PLEKHG4: variants seen among roughly 807,000 people sequenced by gnomAD.
PLEKHG4 encodes pleckstrin homology and RhoGEF domain containing G4, also known as puratrophin-1.
In PLEKHG4, 85 loss-of-function variants were observed where a neutral mutation model predicts 136.9. The observed-to-expected ratio is 0.62, with a 90% CI of 0.52 to 0.74. The LOEUF is 0.74. Ranked by LOEUF, PLEKHG4 falls within the 30% of genes least tolerant of loss-of-function variation. PLEKHG4 has a pLI of 0.00. For missense variants in PLEKHG4, 1,317 were observed against 1,527.8 expected, an observed-to-expected ratio of 0.86 and a Z score of 2.30; for synonymous variants, 577 against 646.9, an observed-to-expected ratio of 0.89 and a Z score of 1.64.
In PLEKHG4 at chr16:67,288,292, C is replaced by T. The variant is rs756337921; in HGVS notation, c.3346C>T (p.Leu1116=). Reference sequence around the variant, plus strand: ...TGTTCTGGGGTCCCTCAACCTGCACCTGTACAGAGACCCAGCTCTTCTGGG... The same window carrying T: ...TGTTCTGGGGTCCCTCAACCTGCACTTGTACAGAGACCCAGCTCTTCTGGG... ...CSVLGSLNLH[L]YRDPALLGLR... Residue 1116 remains leucine (L), a synonymous_variant, in exon 20 of 22, where the codon CTG becomes TTG. Coordinates refer to ENST00000379344, the MANE Select transcript of PLEKHG4 (RefSeq NM_001129729.3). 22 of 1,613,000 alleles carry T rather than the reference C, an allele frequency of 1.4e-5. No individual in the cohort carries two copies. Among genetic ancestry groups the T allele is most frequent in the South Asian group, 4.4e-5 (4 of 91,092 alleles).
Position 67,284,742 on chromosome 16 carries a change from A to T in PLEKHG4, c.1722A>T (p.Arg574=). The part of the protein sequence containing the change: ...EALTWAEEGQ[R]VLAELEQERP... ...TGACGTGGGCTGAGGAGGGGCAGCG[A>T]GTGTTGGCAGAGCTGGAGCAGGAAC... is the stretch of plus-strand genomic sequence containing the variant. Residue 574 remains arginine (R), a synonymous_variant, in exon 13 of 22, where the codon CGA becomes CGT. Transcript: ENST00000379344. The surrounding 1 kb of genome is among the most constrained non-coding windows in gnomAD (Gnocchi z 4.4). The T allele has an allele frequency of 6.2e-7, 1 of 1,613,830 alleles. No individual in the cohort carries two copies. Among genetic ancestry groups the T allele is most frequent in the Non-Finnish European group, 8.5e-7 (1 of 1,179,950 alleles).
chr16:67,285,686 T>A, intron 14 of PLEKHG4, 150 bp downstream of exon 14: 2 of 851,280 alleles, frequency 2.3e-6, no homozygotes, highest in Non-Finnish European at 3.8e-6. Context: ...CTTAGTCCAG[T>A]AGAGGAGACA....
At position 67,286,563 on chromosome 16, in the gene PLEKHG4, C is replaced by A; in HGVS notation, c.2651C>A (p.Pro884His). 1 of 1,564,104 alleles carries A rather than the reference C, an allele frequency of 6.4e-7. No homozygotes were observed. The highest frequency in any genetic ancestry group is 1.2e-5 in the South Asian group (1 of 86,426). Residue 884 changes from proline (P) to histidine (H), a missense_variant, in exon 16 of 22, where the codon CCC becomes CAC. Pro to His is a moderately conservative substitution (Grantham distance 77). Coordinates refer to ENST00000379344, the MANE Select transcript of PLEKHG4 (RefSeq NM_001129729.3). Reference sequence around the variant, plus strand: ...GAGCTGGCACGGGCCTGCGGGGGCCCCACGCAGGAGCTCAGTGCGCTGCGG... The same window carrying A: ...GAGCTGGCACGGGCCTGCGGGGGCCACACGCAGGAGCTCAGTGCGCTGCGG... ...LQELARACGGPTQELSALREA... is the reference protein window; with the variant it reads ...LQELARACGGHTQELSALREA...
chr16:67,284,341 C>T lies in PLEKHG4; in HGVS notation c.1576C>T (p.Pro526Ser), dbSNP rs776415596. Reference protein sequence around the residue: ...LTGWEAAELDPPGARFLALRA... With the variant: ...LTGWEAAELDSPGARFLALRA... ...TGGCTGGGAGGCGGCTGAACTGGACCCCCCTGGGGCACGCTTTCTGGCCCT... is the reference window on the plus strand; with the variant it reads ...TGGCTGGGAGGCGGCTGAACTGGACTCCCCTGGGGCACGCTTTCTGGCCCT... Residue 526 changes from proline to serine, a missense_variant, in exon 12 of 22, where the codon CCC (proline) becomes TCC (serine). Pro to Ser is a moderately conservative substitution (Grantham distance 74). Transcript: ENST00000379344. This position sits in a 1 kb window ranked among gnomAD's most constrained non-coding sequence, Gnocchi z 4.4. The T allele has an allele frequency of 9.3e-6, 15 of 1,613,772 alleles. No individual in the cohort carries two copies. Among genetic ancestry groups the T allele is most frequent in the Non-Finnish European group, 1.3e-5 (15 of 1,179,948 alleles).
intron 18 of PLEKHG4, 96 bp downstream of exon 18, chr16:67,287,273 G>T: frequency 2.3e-6 from 3 of 1,329,470 alleles, no homozygotes. Flanking sequence ...CTCGGGAAGT[G>T]GGGAGAAGGC....
At position 67,284,413 on chromosome 16, in the gene PLEKHG4, C is replaced by CA; in HGVS notation, c.1649dup (p.Arg551AlafsTer6). ...CTCTAGGGCTTTGGCCCAGCGGTGC[C>CA]AGCGGCTGGCGGATGCTGAGAGGCT... On this transcript the variant is annotated frameshift_variant, in exon 12 of 22. Transcript: ENST00000379344. LOFTEE classifies it high-confidence loss of function. This position sits in a 1 kb window ranked among gnomAD's most constrained non-coding sequence, Gnocchi z 4.4. The CA allele has an allele frequency of 6.2e-7, 1 of 1,614,128 alleles. No individual in the cohort carries two copies. Among genetic ancestry groups the CA allele is most frequent in the Non-Finnish European group, 8.5e-7 (1 of 1,180,012 alleles).
In PLEKHG4 at chr16:67,281,690, C is replaced by G. The variant is rs368862193; in HGVS notation, c.892-34C>G. ...GGGGTAGAGGTGGGGTGCCTCCCCC[C>G]AGGCCTGGGTCACAACACCTTCTTC... is the stretch of plus-strand genomic sequence containing the variant. On this transcript the variant is annotated intron_variant, in intron 6 of 21. Transcript: ENST00000379344. The G allele has an allele frequency of 1.9e-6, 3 of 1,612,912 alleles. No individual in the cohort carries two copies. In the African/African-American group the frequency reaches 4.0e-5, roughly 22 times the overall value.
Position 67,284,528 on chromosome 16 carries a change from G to A in PLEKHG4, c.1692+71G>A. 6.4e-7 allele frequency: 1 copy of A among 1,556,520 alleles called. No individual in the cohort carries two copies. The highest frequency in any genetic ancestry group is 8.8e-7 in the Non-Finnish European group (1 of 1,132,118). On this transcript the variant is annotated intron_variant, in intron 12 of 21. Coordinates refer to ENST00000379344, the MANE Select transcript of PLEKHG4 (RefSeq NM_001129729.3). This position sits in a 1 kb window ranked among gnomAD's most constrained non-coding sequence, Gnocchi z 4.4. ...GGATGGCAGCCCCAGCTTCAGCAGAGCCTGAGCTTTTCTTGGTCATGCTGC... is the reference window on the plus strand; with the variant it reads ...GGATGGCAGCCCCAGCTTCAGCAGAACCTGAGCTTTTCTTGGTCATGCTGC...
rs368565515 is a variant in PLEKHG4, at chr16:67,284,720, C to T, written c.1700C>T (p.Thr567Met). ...RLFQLFREAL[T>M]WAEEGQRVLA... Reference sequence around the variant, plus strand: ...CCGGCCCTGGTGTTGCAGGCCTTGACGTGGGCTGAGGAGGGGCAGCGAGTG... The same window carrying T: ...CCGGCCCTGGTGTTGCAGGCCTTGATGTGGGCTGAGGAGGGGCAGCGAGTG... Residue 567 changes from threonine to methionine, a missense_variant, in exon 13 of 22, where the codon ACG becomes ATG. Transcript: ENST00000379344. The surrounding 1 kb of genome is among the most constrained non-coding windows in gnomAD (Gnocchi z 4.4). 2.4e-5 allele frequency: 39 copies of T among 1,613,536 alleles called. No homozygotes were observed. The highest frequency in any genetic ancestry group is 1.8e-4 in the East Asian group (8 of 44,888).
At chr16:67,283,268 C>A (rs1208570253) in intron 11 of PLEKHG4, among the ~76,000 whole-genome samples, 2 of 152,006 alleles carry the variant, frequency 1.3e-5, no homozygotes, top group Non-Finnish European at 2.9e-5. Flanking sequence ...AATCATAAGG[C>A]CAGTGAGGTT....
chr16:67,287,549 G>T (rs2036532096), intron 18 of PLEKHG4: 3 of 482,750 alleles, frequency 6.2e-6, no homozygotes, highest in East Asian at 8.1e-5. Context: ...ACAGGCATGT[G>T]CCACCATGCC....
rs575870151 is a variant in PLEKHG4, at chr16:67,281,613, C to T, written c.860C>T (p.Thr287Met). The change falls in exon 6 of 22, where the codon ACG (threonine) becomes ATG (methionine). Residue 287 changes from threonine (T) to methionine (M), a missense_variant. Thr to Met is a moderately conservative substitution (Grantham distance 81). Transcript: ENST00000379344. ...TACCAGGTGCTGCTAGTGGGAAGCACGCTGCTGAAGGAAGTGCCTTCCGGG... is the reference window on the plus strand; with the variant it reads ...TACCAGGTGCTGCTAGTGGGAAGCATGCTGCTGAAGGAAGTGCCTTCCGGG... Reference protein sequence around the residue: ...AVYQVLLVGSTLLKEVPSGLQ... With the variant: ...AVYQVLLVGSMLLKEVPSGLQ... 14 of 1,613,996 alleles carry T rather than the reference C, an allele frequency of 8.7e-6. No individual in the cohort carries two copies. The highest frequency in any genetic ancestry group is 5.5e-5 in the South Asian group (5 of 91,082).
Position 67,288,949 on chromosome 16 carries a change from G to A in PLEKHG4, c.*141G>A. 1 of 954,456 alleles carries A rather than the reference G, an allele frequency of 1.0e-6. No homozygotes were observed. Among genetic ancestry groups the A allele is most frequent in the Non-Finnish European group, 1.7e-6 (1 of 603,522 alleles). The allele number at this position is 954,456 out of a possible 1,614,324, so 59.1% of individuals were successfully genotyped here. A position where few individuals can be genotyped will look rare whatever the true frequency, so the allele number is the denominator to read the frequency against. On this transcript the variant is annotated 3_prime_UTR_variant, in exon 22 of 22. Transcript: ENST00000379344. ...TGCAACGCTGTTGACTACCCTTTCT[G>A]ATGTGTGTGGCCATTGGACTAACTG... is the stretch of plus-strand genomic sequence containing the variant.
Position 67,280,573 on chromosome 16 carries a change from G to A in PLEKHG4, c.499+30G>A. 1 of 1,613,080 alleles carries A rather than the reference G, an allele frequency of 6.2e-7. No individual in the cohort carries two copies. The highest frequency in any genetic ancestry group is 2.2e-5 in the East Asian group (1 of 44,870). On this transcript the variant is annotated intron_variant, in intron 2 of 21. Transcript: ENST00000379344. This position sits in a 1 kb window ranked among gnomAD's most constrained non-coding sequence, Gnocchi z 4.4. ...GGAAGGCTGGGCTAGGGAAGTCTGG[G>A]AAGGGAATGGGGATGCCTGGAGAGA... is the stretch of plus-strand genomic sequence containing the variant.
rs1192878156 is a variant in PLEKHG4, at chr16:67,282,598, A to C, written c.1349A>C (p.Glu450Ala). The change falls in exon 10 of 22, where the codon GAG becomes GCG. Residue 450 changes from glutamate (E) to alanine (A), a missense_variant. By Grantham distance (107) the Glu-to-Ala change is moderately radical. Transcript: ENST00000379344. ...AGCAACCAGCGAATACAGGCCCTAGAGTTGGTCCAAACACTGGAGGCCCGG... is the reference window on the plus strand; with the variant it reads ...AGCAACCAGCGAATACAGGCCCTAGCGTTGGTCCAAACACTGGAGGCCCGG... ...LQSNQRIQAL[E>A]LVQTLEARES... is the part of the protein sequence containing the mutation. The C allele has an allele frequency of 6.2e-7, 1 of 1,614,050 alleles. No homozygotes were observed. Among genetic ancestry groups the C allele is most frequent in the Non-Finnish European group, 8.5e-7 (1 of 1,180,050 alleles).
intron 18 of PLEKHG4, 55 bp from the exon 19 acceptor site, chr16:67,287,843 C>T: frequency 8.7e-7 from 1 of 1,152,258 alleles, no homozygotes; most frequent in South Asian, 1.2e-5. Flanking sequence ...GTGGTAGAGG[C>T]CCAAGGACAG....
chr16:67,287,613 G>A (rs1319279587), intron 18 of PLEKHG4: 6 of 529,478 alleles, frequency 1.1e-5, no homozygotes, highest in Admixed American at 9.4e-5. Context: ...GACTGGTCTT[G>A]AACTCCTGGG....
chr16:67,284,148 T>TA lies in PLEKHG4; in HGVS notation c.1510-126dup. 1 of 753,066 alleles carries TA rather than the reference T, an allele frequency of 1.3e-6. No homozygotes were observed. The highest frequency in any genetic ancestry group is 2.2e-6 in the Non-Finnish European group (1 of 462,648). 46.6% of individuals were successfully genotyped at this position (753,066 alleles called of 1,614,324 possible). A position where few individuals can be genotyped will look rare whatever the true frequency, so the allele number is the denominator to read the frequency against. On this transcript the variant is annotated intron_variant, in intron 11 of 21. Transcript: ENST00000379344. This position sits in a 1 kb window ranked among gnomAD's most constrained non-coding sequence, Gnocchi z 4.4. Reference sequence around the variant, plus strand: ...GTGGATGTGGGTGGGGAGTAGGAGATACGGGTAGATGTTCCACCACAGGAC... The same window carrying TA: ...GTGGATGTGGGTGGGGAGTAGGAGATAACGGGTAGATGTTCCACCACAGGAC...
Position 67,285,553 on chromosome 16 carries a change from A to G in PLEKHG4, c.2442+17A>G. ...CTGCGCCATGTAAGCCCGACAGGCC[A>G]TGTGGTATCAGCTCGTTCTGCCACA... On this transcript the variant is annotated intron_variant, in intron 14 of 21. Transcript: ENST00000379344. 1.9e-6 allele frequency: 3 copies of G among 1,603,366 alleles called. No homozygotes were observed. Among genetic ancestry groups the G allele is most frequent in the East Asian group, 2.2e-5 (1 of 44,872 alleles).
Sources: allele counts gnomAD v4.1 joint callset (sites outside exome capture counted in the v4.1 genomes callset), GRCh38; gene constraint gnomAD v4.1.1; non-coding constraint Gnocchi (gnomAD v3.1); transcripts MANE v1.5; gene names NCBI Gene and HGNC (gene_info 2026-07-23, HGNC 2026-07-21).